Variants in FXR1 observed in about 807,000 individuals in gnomAD.
The protein encoded by FXR1 is FMR1 autosomal homolog 1.
In FXR1, 15 loss-of-function variants were observed where a neutral mutation model predicts 84.0. That is an observed-to-expected ratio of 0.18 (90% CI 0.12 to 0.27). FXR1 has a LOEUF of 0.27. Ranked by LOEUF, FXR1 falls within the 10% of genes least tolerant of loss-of-function variation. FXR1 has a pLI of 1.00. For synonymous variants in FXR1, 245 were observed against 250.7 expected (o/e 0.98, Z 0.21); for missense variants, 480 against 774.4 (o/e 0.62, Z 4.51).
intron 1 of FXR1, among the ~76,000 whole-genome samples, chr3:180,932,047 A>G (rs1576917661): frequency 9.5e-6 from 1 of 105,814 alleles, no homozygotes; most frequent in African/African-American, 3.7e-5. Flanking sequence ...TACTTAAGTT[A>G]CCCTTCTTCC....
intron 15 of FXR1, chr3:180,970,634 C>T (rs1457603534): frequency 2.0e-5 from 3 of 153,332 alleles, no homozygotes; most frequent in Admixed American, 6.5e-5. Context: ...ATTCAGCTGG[C>T]AAGGTACTTA....
chr3:180,951,657 A>G (rs1345978764), intron 8 of FXR1, among the ~76,000 whole-genome samples, 189 bp downstream of exon 8: 1 of 152,200 alleles, frequency 6.6e-6, no homozygotes, highest in Non-Finnish European at 1.5e-5. Flanking sequence ...GGGGAGTGAA[A>G]GATTTACTAA....
In FXR1 at chr3:180,955,151, C is replaced by T. The variant is rs554687824; in HGVS notation, c.880+1311C>T. Among the ~76,000 whole-genome samples the T allele has an allele frequency of 4.1e-3, 620 of 151,908 alleles. 5 individuals carry two copies. Among genetic ancestry groups the T allele is most frequent in the Non-Finnish European group, 7.3e-3 (495 of 67,930 alleles). On this transcript the variant is annotated intron_variant, in intron 9 of 16. Coordinates refer to ENST00000357559, the MANE Select transcript of FXR1 (RefSeq NM_005087.4). ...CTGGGACTACAGGCGCCTGCCACCA[C>T]GCCTGGCTAATTTTTGTATTTTTAG...
chr3:180,972,954 T>G (rs542725363), intron 15 of FXR1, among the ~76,000 whole-genome samples: 17 of 152,304 alleles, frequency 1.1e-4, no homozygotes. Context: ...TTTAATTTGA[T>G]CTCATCTGCT....
intron 10 of FXR1, among the ~76,000 whole-genome samples, chr3:180,960,145 C>A (rs1711911308): frequency 6.6e-6 from 1 of 152,146 alleles, no homozygotes; most frequent in Non-Finnish European, 1.5e-5. Context: ...CTCTTTTCTG[C>A]CACTTTTTAA....
chr3:180,923,936 G>T (rs1052456641), intron 1 of FXR1, among the ~76,000 whole-genome samples: 1 of 152,016 alleles, frequency 6.6e-6, no homozygotes, highest in Non-Finnish European at 1.5e-5. Context: ...AGATCTGGGA[G>T]ACAAGTCAGA....
Position 180,976,698 on chromosome 3 carries a change from G to C in FXR1, c.*406G>C, listed in dbSNP as rs543030718. ...TTCTTCACCTGAGGAAAACTAGAAT[G>C]AAATGCAGTCTAAAATATTTTGCAC... On this transcript the variant is annotated 3_prime_UTR_variant, in exon 17 of 17. Coordinates refer to ENST00000357559, the MANE Select transcript of FXR1 (RefSeq NM_005087.4). 1 of 153,282 alleles carries C rather than the reference G, an allele frequency of 6.5e-6. No homozygotes were observed. The highest frequency in any genetic ancestry group is 2.4e-5 in the African/African-American group (1 of 41,446). The allele number at this position is 153,282 out of a possible 1,614,324, so 9.5% of individuals were successfully genotyped here.
In FXR1 at chr3:180,970,221, C is replaced by T; in HGVS notation, c.1466C>T (p.Ala489Val). Residue 489 changes from alanine to valine, a missense_variant, in exon 15 of 17, where the codon GCA (alanine) becomes GTA (valine). By Grantham distance (64) the Ala-to-Val change is moderately conservative. Transcript: ENST00000357559. ...GATAATACAGAATCAGATCAGACTG[C>T]AGACACTGATGCCAGCGAATCTCAT... ...LLDNTESDQT[A>V]DTDASESHHS... 6.2e-7 allele frequency: 1 copy of T among 1,605,018 alleles called. No individual in the cohort carries two copies. The highest frequency in any genetic ancestry group is 8.5e-7 in the Non-Finnish European group (1 of 1,172,064).
intron 1 of FXR1, among the ~76,000 whole-genome samples, chr3:180,927,421 A>C (rs1178455310): frequency 6.6e-6 from 1 of 152,108 alleles, no homozygotes; most frequent in Admixed American, 6.5e-5. Context: ...TTCCACAGCC[A>C]GGGTCCATAA....
chr3:180,916,907 T>C (rs1436335248), intron 1 of FXR1, among the ~76,000 whole-genome samples: 1 of 152,198 alleles, frequency 6.6e-6, no homozygotes, highest in Non-Finnish European at 1.5e-5. Flanking sequence ...CAATCTTGGC[T>C]GGCTGCAACC....
intron 7 of FXR1, among the ~76,000 whole-genome samples, chr3:180,951,095 T>C (rs1722192075): frequency 6.6e-6 from 1 of 151,606 alleles, no homozygotes; most frequent in African/African-American, 2.4e-5. Context: ...CAGTGGTGCG[T>C]GCCTGTATTT....
chr3:180,943,263 G>A (rs1020175834), intron 3 of FXR1, among the ~76,000 whole-genome samples: 3 of 119,350 alleles, frequency 2.5e-5, no homozygotes, highest in Non-Finnish European at 5.0e-5. Flanking sequence ...CACTGTGCCC[G>A]GCTTTTTTTT....
At chr3:180,924,271 GAACTATA>G (rs1217041209) in intron 1 of FXR1, among the ~76,000 whole-genome samples, 1 of 152,036 alleles carries the variant, frequency 6.6e-6, no homozygotes, top group Non-Finnish European at 1.5e-5. Context: ...TTTCTTATCT[GAACTATA>G]AAGCACAGAA....
chr3:180,918,761 C>T (rs929349169), intron 1 of FXR1, among the ~76,000 whole-genome samples: 2 of 152,118 alleles, frequency 1.3e-5, no homozygotes, highest in African/African-American at 4.8e-5. Context: ...GATGGCAGTC[C>T]CATCTACCTC....
chr3:180,940,168 T>C (rs777970621), intron 3 of FXR1, among the ~76,000 whole-genome samples: 20 of 152,220 alleles, frequency 1.3e-4, no homozygotes, highest in Non-Finnish European at 2.6e-4. Context: ...AATGGAAATA[T>C]TTATTTTTAT....
Position 180,966,327 on chromosome 3 carries a change from A to G in FXR1, c.1199-1724A>G, listed in dbSNP as rs538955430. Among the ~76,000 whole-genome samples the G allele has an allele frequency of 5.9e-5, 9 of 152,310 alleles. No individual in the cohort carries two copies. The South Asian group carries it at 1.0e-3, about 18-fold the overall frequency. On this transcript the variant is annotated intron_variant, in intron 13 of 16. Coordinates refer to ENST00000357559, the MANE Select transcript of FXR1 (RefSeq NM_005087.4). ...TTTTTATAATTGACTAGTTACATCT[A>G]TTAACACCATGTAGAGAAAAGGTAG...
intron 10 of FXR1, 46 bp downstream of exon 10, chr3:180,957,974 T>G (rs1431531160): frequency 1.2e-6 from 1 of 848,244 alleles, no homozygotes; most frequent in Non-Finnish European, 1.9e-6. Flanking sequence ...GTCCTTTTTT[T>G]GGCCAACTTA....
In FXR1 at chr3:180,935,121, C is replaced by T. The variant is rs770095653; in HGVS notation, c.105-17C>T. The T allele has an allele frequency of 1.5e-6, 2 of 1,296,502 alleles. No homozygotes were observed. Among genetic ancestry groups the T allele is most frequent in the African/African-American group, 1.5e-5 (1 of 68,444 alleles). The allele number at this position is 1,296,502 out of a possible 1,614,324, so 80.3% of individuals were successfully genotyped here. ...ATATATTTTTAAGTTGTTAATACAC[C>T]TTTTCTAATCCTTCAGTTGGCAACC... On this transcript the variant is annotated splice_polypyrimidine_tract_variant and intron_variant, in intron 2 of 16. Transcript: ENST00000357559.
chr3:180,917,126 G>A (rs868708036), intron 1 of FXR1, among the ~76,000 whole-genome samples: 5 of 152,182 alleles, frequency 3.3e-5, no homozygotes, highest in Non-Finnish European at 7.3e-5. Context: ...GTGAGCCACC[G>A]CGCCTGGCCA....
Sources: allele counts gnomAD v4.1 joint callset (sites outside exome capture counted in the v4.1 genomes callset), GRCh38; gene constraint gnomAD v4.1.1; transcripts MANE v1.5; gene names NCBI Gene and HGNC (gene_info 2026-07-23, HGNC 2026-07-21).